Variants in ABCA9 observed in about 807,000 individuals in gnomAD.
ABCA9 encodes ATP binding cassette subfamily A member 9, also known as ATP-binding cassette sub-family A member 9.
In ABCA9, 183 loss-of-function variants were observed where a neutral mutation model predicts 205.3. The ratio of observed to expected loss-of-function variants is 0.89; its 90% confidence interval spans 0.79 to 1.01. The LOEUF (loss-of-function observed/expected upper bound fraction) is 1.01, where lower values mean the gene tolerates loss of function less well. ABCA9 is among the 50% of genes least tolerant of loss of function. The pLI, the probability that ABCA9 is intolerant of heterozygous loss-of-function variation, is 0.00. For missense variants in ABCA9, 1,805 were observed against 1,912.4 expected (o/e 0.94, Z 1.05); for synonymous variants, 651 against 683.3 (o/e 0.95, Z 0.74).
intron 2 of ABCA9, among the ~76,000 whole-genome samples, chr17:69,049,857 C>A (rs1378839213): frequency 6.6e-6 from 1 of 152,052 alleles, no homozygotes; most frequent in African/African-American, 2.4e-5. Flanking sequence ...TAACTAGCTT[C>A]CATCAACAGG....
intron 25 of ABCA9, 44 bp downstream of exon 25, chr17:69,007,715 T>C: frequency 8.1e-7 from 1 of 1,242,002 alleles, no homozygotes; most frequent in Non-Finnish European, 1.2e-6. Flanking sequence ...TGTTCTTGGA[T>C]TTATGAAAAA....
At chr17:69,039,099 G>C (rs1207633634) in intron 6 of ABCA9, among the ~76,000 whole-genome samples, 1 of 152,154 alleles carries the variant, frequency 6.6e-6, no homozygotes, top group Non-Finnish European at 1.5e-5. Context: ...CCATGCTCAT[G>C]GATAGGAAGA....
At chr17:68,986,560 T>G (rs943983053) in intron 31 of ABCA9, 19 of 376,418 alleles carry the variant, frequency 5.0e-5, no homozygotes, top group African/African-American at 3.7e-4. Context: ...ATGACCGTGA[T>G]TGAACTCAAG....
rs117209919 is a variant in ABCA9, at chr17:69,012,241, C to T, written c.3040-158G>A. 9.0e-3 allele frequency: 4,793 copies of T among 530,104 alleles called. 26 individuals are homozygous for T. Among genetic ancestry groups the T allele is most frequent in the Non-Finnish European group, 0.013 (3,839 of 301,174 alleles). The allele number at this position is 530,104 out of a possible 1,614,324, so 32.8% of individuals were successfully genotyped here. A position where few individuals can be genotyped will look rare whatever the true frequency, so the allele number is the denominator to read the frequency against. The stretch of plus-strand genomic sequence containing the variant: ...TTCTTACCCACATTCATTTTCAATC[C>T]TGTATTGCAGCAACTAGGACCTTCT... On this transcript the variant is annotated intron_variant, in intron 22 of 38. Transcript: ENST00000340001.
At chr17:69,047,420 T>C (rs1294176132) in intron 3 of ABCA9, among the ~76,000 whole-genome samples, 2 of 151,292 alleles carry the variant, frequency 1.3e-5, no homozygotes, top group African/African-American at 2.4e-5. Context: ...CATGGCTGGG[T>C]GAAGCAGGAA....
At chr17:68,987,527 C>T (rs1197176478) in intron 31 of ABCA9, among the ~76,000 whole-genome samples, 1 of 152,072 alleles carries the variant, frequency 6.6e-6, no homozygotes. Context: ...GAGAAGGAGA[C>T]AGCCAAGCAC....
chr17:69,059,569 A>G (rs1231947871), intron 1 of ABCA9, among the ~76,000 whole-genome samples: 2 of 152,058 alleles, frequency 1.3e-5, no homozygotes, highest in African/African-American at 2.4e-5. Flanking sequence ...AGCCTAGCCA[A>G]CCCCTTGATG....
chr17:69,037,272 G>T (rs961003578), intron 6 of ABCA9, among the ~76,000 whole-genome samples: 4 of 152,058 alleles, frequency 2.6e-5, no homozygotes, highest in Admixed American at 6.5e-5. Context: ...TTTCTTCTCA[G>T]CACCACATAG....
intron 1 of ABCA9, among the ~76,000 whole-genome samples, chr17:69,059,379 T>A (rs749481341): frequency 6.6e-6 from 1 of 151,908 alleles, no homozygotes; most frequent in Non-Finnish European, 1.5e-5. Context: ...ACAAGGGTGC[T>A]AAAAAGTAAA....
At chr17:68,998,374 G>C (rs2144089107) in intron 25 of ABCA9, among the ~76,000 whole-genome samples, 1 of 152,292 alleles carries the variant, frequency 6.6e-6, no homozygotes, top group East Asian at 1.9e-4. Context: ...TTTTGGAAGA[G>C]AGAAATTCCA....
chr17:69,027,768 C>A lies in ABCA9; in HGVS notation c.1663G>T (p.Glu555Ter). Residue 555 changes from glutamate to a stop codon, truncating the protein, a stop_gained, in exon 13 of 39, where the codon GAA (glutamate) becomes TAA (stop). Transcript: ENST00000340001. LOFTEE classifies it high-confidence loss of function. The part of the protein sequence containing the change: ...NHTLSRMADI[E>*]NISKFTGFCP... ...AATCCAGTGAACTTGCTGATATTTT[C>A]TATATCAGCCATTCTTGAAAGTGTG... 1 of 1,612,164 alleles carries A rather than the reference C, an allele frequency of 6.2e-7. No individual in the cohort carries two copies. Among genetic ancestry groups the A allele is most frequent in the Non-Finnish European group, 8.5e-7 (1 of 1,178,754 alleles).
the ABCA9 span, among the ~76,000 whole-genome samples, chr17:69,066,847 A>G: frequency 6.6e-6 from 1 of 152,210 alleles, no homozygotes; most frequent in Non-Finnish European, 1.5e-5. Context: ...TCAGGAACTC[A>G]TAAGTCCTGC....
At chr17:69,053,652 G>A (rs1025565060) in intron 1 of ABCA9, among the ~76,000 whole-genome samples, 39 of 152,122 alleles carry the variant, frequency 2.6e-4, no homozygotes, top group African/African-American at 8.9e-4. Context: ...AACAAAAAAA[G>A]ACTGAAGAAA....
At chr17:69,013,128 C>CACTT (rs2070444685) in intron 22 of ABCA9, among the ~76,000 whole-genome samples, 1 of 151,884 alleles carries the variant, frequency 6.6e-6, no homozygotes, top group Non-Finnish European at 1.5e-5. Context: ...TGTTGATGGA[C>CACTT]ACTTAGGTTT....
In ABCA9 at chr17:69,029,182, T is replaced by A; in HGVS notation, c.1491A>T (p.Val497=). The A allele has an allele frequency of 6.4e-7, 1 of 1,556,570 alleles. No homozygotes were observed. The highest frequency in any genetic ancestry group is 8.8e-7 in the Non-Finnish European group (1 of 1,140,176). ...KKEYAGKCER[V]EALKGVVFDI... is the part of the protein sequence containing the mutation. ...TTATTTTATTACCTTTCAAAGCTTCTACTCTCTCACACTTCCCTGCATATT... is the reference window on the plus strand; with the variant it reads ...TTATTTTATTACCTTTCAAAGCTTCAACTCTCTCACACTTCCCTGCATATT... Residue 497 remains valine, a synonymous_variant, in exon 11 of 39, where the codon GTA becomes GTT. Transcript: ENST00000340001.
intron 7 of ABCA9, 48 bp downstream of exon 7, chr17:69,035,612 G>C: frequency 6.3e-7 from 1 of 1,585,098 alleles, no homozygotes. Context: ...ATTGGCAGTA[G>C]AGAGAGAGAA....
At chr17:69,053,198 T>G (rs1193838592) in intron 1 of ABCA9, among the ~76,000 whole-genome samples, 1 of 152,212 alleles carries the variant, frequency 6.6e-6, no homozygotes, top group Admixed American at 6.5e-5. Context: ...GCTGAAACCT[T>G]CTAATCACAT....
chr17:69,021,242 G>A (rs1330710796), intron 18 of ABCA9, among the ~76,000 whole-genome samples: 1 of 151,868 alleles, frequency 6.6e-6, no homozygotes, highest in African/African-American at 2.4e-5. Context: ...AAAATAAAGA[G>A]CACAGTAAAG....
chr17:68,985,012 A>G (rs1225012937), intron 33 of ABCA9, 33 bp from the exon 34 acceptor site: 1 of 1,614,062 alleles, frequency 6.2e-7, no homozygotes, highest in East Asian at 2.2e-5. Flanking sequence ...TCTGGTTCCC[A>G]TCTACGGCAC....
Sources: allele counts gnomAD v4.1 joint callset (sites outside exome capture counted in the v4.1 genomes callset), GRCh38; gene constraint gnomAD v4.1.1; transcripts MANE v1.5; gene names NCBI Gene and HGNC (gene_info 2026-07-23, HGNC 2026-07-21).